The following MYO16 variants were observed in gnomAD, a reference collection of about 807,000 sequenced individuals.
MYO16 encodes myosin XVI.
In MYO16, 94 loss-of-function variants were observed where a neutral mutation model predicts 205.3. The ratio of observed to expected loss-of-function variants is 0.46; its 90% CI spans 0.39 to 0.54. MYO16 has a LOEUF of 0.54. MYO16 is among the 20% of genes least tolerant of loss of function. The probability of loss-of-function intolerance (pLI) is 0.00; values close to 1 mark genes in which losing one functional copy is unlikely to be tolerated. For synonymous variants in MYO16, 988 were observed against 954.0 expected, an observed-to-expected ratio of 1.04 and a Z score of -0.66; for missense variants, 2,315 against 2,387.5, an observed-to-expected ratio of 0.97 and a Z score of 0.63.
chr13:108,542,668 G>C, the MYO16 span, among the ~76,000 whole-genome samples: 827 of 152,050 alleles, frequency 5.4e-3, 13 homozygotes, highest in African/African-American at 0.019. Flanking sequence ...TATAAATGTG[G>C]CTATTGATGT....
Position 109,141,278 on chromosome 13 carries a change from C to A in MYO16, c.5066C>A (p.Pro1689His). 6.2e-7 allele frequency: 1 copy of A among 1,601,272 alleles called. No individual in the cohort carries two copies. Among genetic ancestry groups the A allele is most frequent in the Non-Finnish European group, 8.5e-7 (1 of 1,174,302 alleles). The change falls in exon 32 of 35, where the codon CCT (proline) becomes CAT (histidine). Residue 1689 changes from proline to histidine, a missense_variant. By Grantham distance (77) the Pro-to-His change is moderately conservative. This residue lies in a region of MYO16 where 1,097 missense variants were observed against 1,092.0 expected (regional missense o/e 1.00). Coordinates refer to ENST00000457511, the MANE Select transcript of MYO16 (RefSeq NM_001198950.3). The surrounding 1 kb of genome is among the most constrained non-coding windows in gnomAD (Gnocchi z 4.1). ...PAPYSPPSSR[P>H]LSSPLDELAS... is the part of the protein sequence containing the mutation. The stretch of plus-strand genomic sequence containing the variant: ...CCCTACAGCCCTCCCAGCTCCAGGC[C>A]TCTCAGCAGCCCCCTGGACGAGCTC...
intron 7 of MYO16, among the ~76,000 whole-genome samples, chr13:108,809,166 G>A (rs1887208311): frequency 6.6e-6 from 1 of 152,136 alleles, no homozygotes; most frequent in Admixed American, 6.6e-5. Context: ...GTGCCTACTA[G>A]GTTTCCAACA....
chr13:108,675,966 G>C (rs1048125406), intron 2 of MYO16, among the ~76,000 whole-genome samples: 1 of 152,170 alleles, frequency 6.6e-6, no homozygotes, highest in Non-Finnish European at 1.5e-5. Context: ...TAGTTGGTTA[G>C]ATAATACATG....
At chr13:109,059,369 G>A (rs1476366617) in intron 27 of MYO16, among the ~76,000 whole-genome samples, 1 of 152,154 alleles carries the variant, frequency 6.6e-6, no homozygotes, top group Non-Finnish European at 1.5e-5. Context: ...TACTGTGTTA[G>A]CAGGCATGAA....
In MYO16 at chr13:109,148,204, T is replaced by C. The variant is rs561372619; in HGVS notation, c.5164+6828T>C. Among the ~76,000 whole-genome samples, 103 of 151,050 alleles carry C rather than the reference T, an allele frequency of 6.8e-4. 1 individual carries two copies. The highest frequency in any genetic ancestry group is 1.7e-3 in the African/African-American group (69 of 40,374). Reference sequence around the variant, plus strand: ...ATGTATCAGTAACCAAATTTATCTATGTTAAGAGCACAAAGCTCTTTGTTC... The same window carrying C: ...ATGTATCAGTAACCAAATTTATCTACGTTAAGAGCACAAAGCTCTTTGTTC... On this transcript the variant is annotated intron_variant, in intron 32 of 34. Coordinates refer to ENST00000457511, the MANE Select transcript of MYO16 (RefSeq NM_001198950.3).
At chr13:108,674,655 G>A (rs1882126013) in intron 2 of MYO16, among the ~76,000 whole-genome samples, 1 of 152,184 alleles carries the variant, frequency 6.6e-6, no homozygotes, top group Non-Finnish European at 1.5e-5. Flanking sequence ...CTAGGAACAT[G>A]ACCAAGCCTG....
chr13:109,117,426 G>GTGTATATATATGTATATATA (rs145551138), intron 28 of MYO16, among the ~76,000 whole-genome samples: 2 of 142,600 alleles, frequency 1.4e-5, no homozygotes, highest in African/African-American at 5.1e-5. Context: ...ATATGTATAT[G>GTGTATATATATGTATATATA]TGTATATATA....
At chr13:108,633,022 C>T (rs530177494) in intron 1 of MYO16, among the ~76,000 whole-genome samples, 7 of 152,266 alleles carry the variant, frequency 4.6e-5, no homozygotes, top group African/African-American at 1.7e-4. Flanking sequence ...CTATTTCTCT[C>T]CTGGTTCAGC....
intron 16 of MYO16, among the ~76,000 whole-genome samples, chr13:108,947,274 C>A (rs1882974644): frequency 6.6e-6 from 1 of 152,152 alleles, no homozygotes; most frequent in South Asian, 2.1e-4. Flanking sequence ...GTCACCTTCT[C>A]CCCTGAGGAG....
intron 22 of MYO16, among the ~76,000 whole-genome samples, chr13:109,016,139 TC>T (rs1885807295): frequency 6.6e-6 from 1 of 152,208 alleles, no homozygotes; most frequent in Non-Finnish European, 1.5e-5. Flanking sequence ...TTTAAATATG[TC>T]CCAGAGATTC....
chr13:109,125,662 T>C lies in MYO16; in HGVS notation c.3782+304T>C, dbSNP rs1000711661. Among the ~76,000 whole-genome samples the C allele has an allele frequency of 1.3e-5, 2 of 152,222 alleles. No homozygotes were observed. The highest frequency in any genetic ancestry group is 2.9e-5 in the Non-Finnish European group (2 of 68,034). ...AGTTCTAAAGCATTTACTGTTTCTG[T>C]ATTAGCAAAAATATATAGCTTGGCT... On this transcript the variant is annotated intron_variant, in intron 30 of 34. Coordinates refer to ENST00000457511, the MANE Select transcript of MYO16 (RefSeq NM_001198950.3). This position sits in a 1 kb window ranked among gnomAD's most constrained non-coding sequence, Gnocchi z 4.0.
chr13:108,954,839 T>A (rs1400473662), intron 16 of MYO16, among the ~76,000 whole-genome samples: 1 of 152,212 alleles, frequency 6.6e-6, no homozygotes, highest in Non-Finnish European at 1.5e-5. Flanking sequence ...ACTGATATCA[T>A]TGTCCTTGAC....
At chr13:108,776,936 T>C (rs556615505) in intron 4 of MYO16, among the ~76,000 whole-genome samples, 1 of 152,272 alleles carries the variant, frequency 6.6e-6, no homozygotes, top group African/African-American at 2.4e-5. Context: ...GAACAGTGGG[T>C]GTATGCCTTG....
intron 23 of MYO16, among the ~76,000 whole-genome samples, chr13:109,035,136 T>C (rs908338636): frequency 6.7e-6 from 1 of 150,232 alleles, no homozygotes; most frequent in Admixed American, 6.8e-5. Flanking sequence ...ATATATGGCA[T>C]ATATAGCGTA....
intron 1 of MYO16, among the ~76,000 whole-genome samples, chr13:108,616,852 T>C (rs1007825267): frequency 2.6e-5 from 4 of 152,202 alleles, no homozygotes; most frequent in African/African-American, 9.6e-5. Context: ...AAAGATAAAG[T>C]ATTGTGTACA....
At chr13:108,498,058 T>C in the MYO16 span, among the ~76,000 whole-genome samples, 1 of 152,222 alleles carries the variant, frequency 6.6e-6, no homozygotes, top group Non-Finnish European at 1.5e-5. Flanking sequence ...ATCTTAAATG[T>C]GTTAAAACAT....
chr13:109,087,338 G>T (rs944350687), intron 27 of MYO16, among the ~76,000 whole-genome samples: 1 of 152,118 alleles, frequency 6.6e-6, no homozygotes, highest in East Asian at 1.9e-4. Context: ...AAAATTATTG[G>T]CATTAGCCAC....
chr13:108,810,515 T>A (rs574951621), intron 7 of MYO16, among the ~76,000 whole-genome samples: 1 of 152,334 alleles, frequency 6.6e-6, no homozygotes, highest in Non-Finnish European at 1.5e-5. Flanking sequence ...TGCATCTCAA[T>A]TATTTCACCA....
At chr13:108,913,064 A>C (rs1881337220) in intron 16 of MYO16, among the ~76,000 whole-genome samples, 1 of 152,188 alleles carries the variant, frequency 6.6e-6, no homozygotes, top group Non-Finnish European at 1.5e-5. Flanking sequence ...GGAGTCACTT[A>C]GGCTATTTAG....
Sources: gnomAD v4.1 joint callset for allele counts (sites outside exome capture counted in the v4.1 genomes callset) on GRCh38, gnomAD v4.1.1 for gene constraint, gnomAD v4.1.1 regional missense constraint, Gnocchi (gnomAD v3.1) non-coding constraint, MANE v1.5 for transcripts, NCBI Gene and HGNC (gene_info 2026-07-23, HGNC 2026-07-21) for gene names.